HUWE1: variants seen among roughly 807,000 people sequenced by gnomAD.
HUWE1 encodes HECT, UBA and WWE domain containing E3 ubiquitin protein ligase 1.
In HUWE1, 18 loss-of-function variants were observed where a neutral mutation model predicts 299.4. That is an observed-to-expected ratio of 0.06 (90% CI 0.04 to 0.09). The LOEUF is 0.09. Among genes scored for constraint, HUWE1 ranks in the 10% least tolerant of loss-of-function variants. HUWE1 has a pLI of 1.00. For missense variants in HUWE1, 1,832 were observed against 3,462.3 expected (o/e 0.53, Z 11.82); for synonymous variants, 1,317 against 1,286.1 (o/e 1.02, Z -0.51).
Position 53,560,425 on chromosome X carries a change from A to G in HUWE1, c.7508-9T>C. The G allele has an allele frequency of 8.4e-7, 1 of 1,195,310 alleles. No individual in the cohort carries two copies. Among genetic ancestry groups the G allele is most frequent in the Admixed American group, 2.2e-5 (1 of 45,958 alleles). On this transcript the variant is annotated splice_polypyrimidine_tract_variant and intron_variant, in intron 55 of 83. Transcript: ENST00000262854. ...GGATGGGGGGATGTCTGCTGCAAGGACAATATGTAAAAGGGTCAGTGTCAA... is the reference window on the plus strand; with the variant it reads ...GGATGGGGGGATGTCTGCTGCAAGGGCAATATGTAAAAGGGTCAGTGTCAA...
chrX:53,584,866 A>C (rs1436435886), intron 40 of HUWE1, 146 bp downstream of exon 40: 2 of 672,712 alleles, frequency 3.0e-6, no homozygotes, highest in Non-Finnish European at 4.7e-6. Flanking sequence ...GGCCACACAT[A>C]AACTACACTA....
chrX:53,629,555 C>T lies in HUWE1; in HGVS notation c.924G>A (p.Glu308=), dbSNP rs1438296078. 1.7e-6 allele frequency: 2 copies of T among 1,200,635 alleles called. No homozygotes were observed. Among genetic ancestry groups the T allele is most frequent in the African/African-American group, 3.5e-5 (2 of 56,828 alleles). ...CCGTTATCTGAAGGACATCTACCAA[C>T]TCCTCTATCAAGCCATTATACAAGA... is the stretch of plus-strand genomic sequence containing the variant. ...NSILYNGLIE[E]LVDVLQITDK... Residue 308 remains glutamate, a synonymous_variant, in exon 13 of 84, where the codon GAG becomes GAA. Transcript: ENST00000262854.
chrX:53,561,715 G>T, intron 55 of HUWE1, 41 bp downstream of exon 55: 1 of 1,209,675 alleles, frequency 8.3e-7, no homozygotes, highest in Non-Finnish European at 1.1e-6. Context: ...AAGGGTATAA[G>T]AATCAAGAGA....
rs375058558 is a variant in HUWE1, at chrX:53,591,100, C to T, written c.3995G>A (p.Arg1332Lys). 6.6e-6 allele frequency: 8 copies of T among 1,210,116 alleles called. No homozygotes were observed. The highest frequency in any genetic ancestry group is 8.9e-6 in the Non-Finnish European group (8 of 894,682). ...LQQLMDMGFTREHAMEALLNT... is the reference protein window; with the variant it reads ...LQQLMDMGFTKEHAMEALLNT... ...CAACAGTGCCTCCATTGCATGTTCCCTTGTGAAGCCCATGTCCATGAGCTA... is the reference window on the plus strand; with the variant it reads ...CAACAGTGCCTCCATTGCATGTTCCTTTGTGAAGCCCATGTCCATGAGCTA... The change falls in exon 34 of 84, where the codon AGG (arginine) becomes AAG (lysine). Residue 1332 changes from arginine to lysine, a missense_variant. Arg to Lys is a conservative substitution (Grantham distance 26, BLOSUM62 2). Transcript: ENST00000262854.
intron 11 of HUWE1, 127 bp downstream of exon 11, chrX:53,631,287 C>CA: frequency 3.6e-6 from 2 of 555,199 alleles, no homozygotes; most frequent in South Asian, 5.5e-5. Flanking sequence ...GAGAAGCTAA[C>CA]AATTTGCCCA....
rs368656183 is a variant in HUWE1, at chrX:53,586,753, G to A, written c.4742+29C>T. On this transcript the variant is annotated intron_variant, in intron 38 of 83. Coordinates refer to ENST00000262854, the MANE Select transcript of HUWE1 (RefSeq NM_031407.7). Reference sequence around the variant, plus strand: ...GCCCATGTCCCAGGGAAATAGAAACGAAACTAGGGTAGATATAGGGTTACT... The same window carrying A: ...GCCCATGTCCCAGGGAAATAGAAACAAAACTAGGGTAGATATAGGGTTACT... 1.2e-5 allele frequency: 15 copies of A among 1,208,268 alleles called. No individual in the cohort carries two copies. The Admixed American group carries it at 1.8e-4, about 14-fold the overall frequency.
Position 53,629,564 on chromosome X carries a change from C to T in HUWE1, c.915G>A (p.Leu305=). 1 of 1,204,452 alleles carries T rather than the reference C, an allele frequency of 8.3e-7. No homozygotes were observed. The highest frequency in any genetic ancestry group is 1.1e-6 in the Non-Finnish European group (1 of 888,963). ...ESANSILYNG[L]IEELVDVLQI... is the part of the protein sequence containing the mutation. Reference sequence around the variant, plus strand: ...GAAGGACATCTACCAACTCCTCTATCAAGCCATTATACAAGATACTGTTTG... The same window carrying T: ...GAAGGACATCTACCAACTCCTCTATTAAGCCATTATACAAGATACTGTTTG... Residue 305 remains leucine (L), a synonymous_variant, in exon 13 of 84, where the codon TTG becomes TTA. Coordinates refer to ENST00000262854, the MANE Select transcript of HUWE1 (RefSeq NM_031407.7).
intron 78 of HUWE1, 70 bp from the exon 79 acceptor site, chrX:53,536,737 G>C (rs1025098367): frequency 4.7e-5 from 43 of 922,620 alleles, no homozygotes; most frequent in Admixed American, 9.7e-5. Flanking sequence ...ATTTGTGTGA[G>C]TGAGAGACTG....
At chrX:53,607,847 C>T (rs1020435461) in intron 24 of HUWE1, 148 bp from the exon 25 acceptor site, 16 of 454,059 alleles carry the variant, frequency 3.5e-5, no homozygotes, top group Admixed American at 1.1e-4. Context: ...ATGTATGATA[C>T]GGATTCTAAA....
At chrX:53,593,970 G>A (rs921694809) in intron 31 of HUWE1, among the ~76,000 whole-genome samples, 35 of 110,564 alleles carry the variant, frequency 3.2e-4, no homozygotes, top group African/African-American at 9.9e-4. Flanking sequence ...GGTGGCGGGC[G>A]CCTGTAGTCC....
chrX:53,575,546 A>G lies in HUWE1; in HGVS notation c.6030+97T>C, dbSNP rs1350058840. ...ATAATTTACAGATACATCACAATTAATATCTTTGAAATTCCCCGGGGATAG... is the reference window on the plus strand; with the variant it reads ...ATAATTTACAGATACATCACAATTAGTATCTTTGAAATTCCCCGGGGATAG... On this transcript the variant is annotated intron_variant, in intron 45 of 83. Coordinates refer to ENST00000262854, the MANE Select transcript of HUWE1 (RefSeq NM_031407.7). The G allele has an allele frequency of 1.2e-5, 11 of 932,895 alleles. No individual in the cohort carries two copies. In the East Asian group the frequency reaches 2.0e-4, roughly 17 times the overall value. The allele number at this position is 932,895 out of a possible 1,213,427, so 76.9% of individuals were successfully genotyped here.
rs1557021008 is a variant in HUWE1 at position 53,629,579 on chromosome X, G to A, written c.900C>T (p.Ile300=). 27 of 1,200,809 alleles carry A rather than the reference G, an allele frequency of 2.2e-5. No homozygotes were observed. The highest frequency in any genetic ancestry group is 2.9e-5 in the Non-Finnish European group (26 of 885,726). The part of the protein sequence containing the change: ...SNALQESANS[I]LYNGLIEELV... ...ACTCCTCTATCAAGCCATTATACAA[G>A]ATACTGTTTGCTGATTCCTGCAAGG... The change falls in exon 13 of 84, where the codon ATC becomes ATT. Residue 300 remains isoleucine, a synonymous_variant. Coordinates refer to ENST00000262854, the MANE Select transcript of HUWE1 (RefSeq NM_031407.7).
chrX:53,677,544 A>G (rs1448890244), intron 3 of HUWE1, among the ~76,000 whole-genome samples: 1 of 105,900 alleles, frequency 9.4e-6, no homozygotes, highest in African/African-American at 3.5e-5. Flanking sequence ...AGGTCTTTCC[A>G]CCTGTAAGAA....
rs782742580 is a variant in HUWE1 at position 53,611,841 on chromosome X, T to G, written c.2261+2693A>C. On this transcript the variant is annotated intron_variant, in intron 23 of 83. Transcript: ENST00000262854. ...CCTCTGCACTCCAGCCTGGGTGATG[T>G]AGTGAGACTCTGTCTCAAAAAAAAA... 4.7e-5 allele frequency among the ~76,000 whole-genome samples: 5 copies of G among 106,017 alleles called. No homozygotes were observed. The Admixed American group carries it at 5.1e-4, about 11-fold the overall frequency. The allele number at this position is 106,017 out of a possible 115,157, so 92.1% of individuals were successfully genotyped here.
intron 47 of HUWE1, among the ~76,000 whole-genome samples, chrX:53,572,434 G>A (rs1177622851): frequency 1.8e-5 from 2 of 111,919 alleles, no homozygotes; most frequent in Non-Finnish European, 3.8e-5. Flanking sequence ...TTGGATTAAA[G>A]TAAGAATAGC....
chrX:53,544,944 A>G, intron 71 of HUWE1, 85 bp downstream of exon 71: 1 of 1,086,586 alleles, frequency 9.2e-7, no homozygotes. Context: ...ACCCAGAGAA[A>G]TAAAAAAGAC....
chrX:53,584,494 T>A, intron 40 of HUWE1, 149 bp from the exon 41 acceptor site: 2 of 516,437 alleles, frequency 3.9e-6, no homozygotes, highest in Non-Finnish European at 6.4e-6. Flanking sequence ...AGAAAAAACC[T>A]GAAAGTCCCC....
chrX:53,579,893 C>A (rs2063523050), intron 43 of HUWE1: 1 of 98,063 alleles, frequency 1.0e-5, no homozygotes, highest in African/African-American at 3.8e-5. Context: ...CCACTATTGT[C>A]CTATGACCCT....
At chrX:53,542,699 T>C in intron 73 of HUWE1, 160 bp from the exon 74 acceptor site, 1 of 480,179 alleles carries the variant, frequency 2.1e-6, no homozygotes, top group Non-Finnish European at 3.7e-6. Context: ...AAAGGATGCC[T>C]TTCCCAACTC....
Sources: allele counts gnomAD v4.1 joint callset (sites outside exome capture counted in the v4.1 genomes callset), GRCh38; gene constraint gnomAD v4.1.1; transcripts MANE v1.5; gene names NCBI Gene and HGNC (gene_info 2026-07-23, HGNC 2026-07-21).